Variants in ITGB5 observed in about 807,000 individuals in gnomAD.
The protein encoded by ITGB5 is integrin beta-5.
In ITGB5, 38 loss-of-function variants were observed where a neutral mutation model predicts 84.8. The ratio of observed to expected loss-of-function variants is 0.45; its 90% CI spans 0.35 to 0.59. The LOEUF (loss-of-function observed/expected upper bound fraction) is 0.59. ITGB5 is among the 20% of genes least tolerant of loss of function. The pLI is 0.01. For missense variants in ITGB5, 905 were observed against 1,034.5 expected, an observed-to-expected ratio of 0.87 and a Z score of 1.72; for synonymous variants, 393 against 414.4, an observed-to-expected ratio of 0.95 and a Z score of 0.63.
chr3:124,796,548 G>A lies in ITGB5; in HGVS notation c.1533C>T (p.Asn511=), dbSNP rs2291086. The A allele has an allele frequency of 0.02, 32,294 of 1,614,060 alleles. 1,438 individuals carry two copies. Among genetic ancestry groups the A allele is most frequent in the African/African-American group, 0.14 (10,571 of 75,040 alleles). ...GCTTGCCCTCTGCCTCCCGGCACAGGTTCTGGTACACGCTCTGGTTCTCCC... is the reference window on the plus strand; with the variant it reads ...GCTTGCCCTCTGCCTCCCGGCACAGATTCTGGTACACGCTCTGGTTCTCCC... ...QDGENQSVYQ[N]LCREAEGKPL... Residue 511 remains asparagine, a synonymous_variant, in exon 10 of 15, where the codon AAC becomes AAT. Coordinates refer to ENST00000296181, the MANE Select transcript of ITGB5 (RefSeq NM_002213.5).
chr3:124,801,144 G>T (rs1395728988), intron 9 of ITGB5, among the ~76,000 whole-genome samples: 3 of 152,180 alleles, frequency 2.0e-5, no homozygotes, highest in African/African-American at 7.2e-5. Context: ...GACGGGAGCG[G>T]GGAGGGGGTG....
intron 9 of ITGB5, among the ~76,000 whole-genome samples, chr3:124,800,170 C>T (rs760710573): frequency 1.3e-5 from 2 of 152,102 alleles, no homozygotes; most frequent in Non-Finnish European, 2.9e-5. Flanking sequence ...CAGCTGAAAC[C>T]CTGTACTTCT....
chr3:124,868,395 A>G (rs993681970), intron 2 of ITGB5, among the ~76,000 whole-genome samples: 9 of 151,480 alleles, frequency 5.9e-5, no homozygotes, highest in African/African-American at 2.0e-4. Context: ...TGACCCATAC[A>G]TCCTGGTCTC....
chr3:124,766,214 G>C lies in ITGB5; in HGVS notation c.2137+12C>G. The C allele has an allele frequency of 6.2e-7, 1 of 1,612,314 alleles. No homozygotes were observed. Among genetic ancestry groups the C allele is most frequent in the Non-Finnish European group, 8.5e-7 (1 of 1,179,344 alleles). On this transcript the variant is annotated intron_variant, in intron 13 of 14. Transcript: ENST00000296181. Reference sequence around the variant, plus strand: ...TGGCTGAGTGGGCCGAGCCCTTGCAGCCCTCACCTACCTGGCTCCCTGAGG... The same window carrying C: ...TGGCTGAGTGGGCCGAGCCCTTGCACCCCTCACCTACCTGGCTCCCTGAGG...
chr3:124,871,924 A>T (rs1934076398), intron 2 of ITGB5, among the ~76,000 whole-genome samples: 1 of 152,126 alleles, frequency 6.6e-6, no homozygotes, highest in African/African-American at 2.4e-5. Context: ...CAGGGAGGGG[A>T]GAAACACCGG....
At chr3:124,864,095 T>A (rs1288551658) in intron 2 of ITGB5, among the ~76,000 whole-genome samples, 1 of 115,050 alleles carries the variant, frequency 8.7e-6, no homozygotes, top group Non-Finnish European at 1.7e-5. Context: ...GACCTATATT[T>A]CTTTTTTTTT....
At chr3:124,803,638 C>T (rs1428207660) in intron 9 of ITGB5, among the ~76,000 whole-genome samples, 1 of 152,214 alleles carries the variant, frequency 6.6e-6, no homozygotes, top group Non-Finnish European at 1.5e-5. Flanking sequence ...GCAAGTCACG[C>T]TCATCCTCAA....
At chr3:124,867,472 C>T (rs543072809) in intron 2 of ITGB5, among the ~76,000 whole-genome samples, 1 of 152,340 alleles carries the variant, frequency 6.6e-6, no homozygotes, top group East Asian at 1.9e-4. Context: ...TCTTGCTTTC[C>T]CCAACCCTGC....
chr3:124,805,475 G>A lies in ITGB5; in HGVS notation c.1263+3547C>T, dbSNP rs535567100. On this transcript the variant is annotated intron_variant, in intron 9 of 14. Coordinates refer to ENST00000296181, the MANE Select transcript of ITGB5 (RefSeq NM_002213.5). ...CCATTACTTTTTTTTTTTAAGAGACGAGGTCTCACTCTGTTATCTATGCTA... is the reference window on the plus strand; with the variant it reads ...CCATTACTTTTTTTTTTTAAGAGACAAGGTCTCACTCTGTTATCTATGCTA... 1.6e-4 allele frequency among the ~76,000 whole-genome samples: 25 copies of A among 151,532 alleles called. 1 individual carries two copies. The East Asian group carries it at 4.3e-3, about 26-fold the overall frequency.
At chr3:124,889,437 C>T (rs1019939565), upstream of ITGB5, among the ~76,000 whole-genome samples, 1 of 152,204 alleles carries the variant, frequency 6.6e-6, no homozygotes, top group Non-Finnish European at 1.5e-5. Context: ...CTCCCTAAAA[C>T]GTATAAAAGC....
chr3:124,780,300 G>C (rs1244176749), intron 10 of ITGB5, among the ~76,000 whole-genome samples: 1 of 152,194 alleles, frequency 6.6e-6, no homozygotes, highest in Admixed American at 6.5e-5. Context: ...CAGAGGGCTA[G>C]CAGGACCGCA....
chr3:124,898,835 G>A (rs1935165139), intron 1 of ITGB5, among the ~76,000 whole-genome samples: 1 of 150,564 alleles, frequency 6.6e-6, no homozygotes, highest in Admixed American at 6.6e-5. Context: ...CAGTACTTTG[G>A]GAGGCCGAGG....
At chr3:124,821,656 G>A (rs146183003) in intron 5 of ITGB5, among the ~76,000 whole-genome samples, 182 bp from the exon 6 acceptor site, 218 of 152,314 alleles carry the variant, frequency 1.4e-3, no homozygotes, top group African/African-American at 4.9e-3. Flanking sequence ...CCGAAGAGAC[G>A]CAGCCTGGAC....
At chr3:124,876,367 A>C (rs1227727958) in intron 1 of ITGB5, among the ~76,000 whole-genome samples, 1 of 152,148 alleles carries the variant, frequency 6.6e-6, no homozygotes, top group African/African-American at 2.4e-5. Context: ...TTAAAAAAAA[A>C]ACAAACCAGT....
intron 10 of ITGB5, among the ~76,000 whole-genome samples, chr3:124,784,445 C>T (rs2064051234): frequency 6.6e-6 from 1 of 152,178 alleles, no homozygotes; most frequent in Admixed American, 6.5e-5. Flanking sequence ...TTCAAGCCTG[C>T]AATGAGCTGT....
At chr3:124,887,944 C>T (rs536547420), upstream of ITGB5, 5 of 238,538 alleles carry the variant, frequency 2.1e-5, no homozygotes, top group South Asian at 1.2e-4. Flanking sequence ...TTTGAGACAG[C>T]GTCTTGCTCT....
chr3:124,818,460 G>A (rs2064641542), intron 7 of ITGB5, among the ~76,000 whole-genome samples: 1 of 143,778 alleles, frequency 7.0e-6, no homozygotes, highest in South Asian at 2.3e-4. Context: ...CTGTGCAATT[G>A]AGCCCTCTAA....
At chr3:124,880,559 G>A (rs575252298) in intron 1 of ITGB5, among the ~76,000 whole-genome samples, 66 of 152,220 alleles carry the variant, frequency 4.3e-4, no homozygotes, top group African/African-American at 1.5e-3. Flanking sequence ...AGCTACAGTG[G>A]GCCATGATCA....
chr3:124,780,217 CAAAGCCACTGCTCCATTCACCCCCA>C (rs138551788), intron 10 of ITGB5, among the ~76,000 whole-genome samples: 8,114 of 152,114 alleles, frequency 0.053, 489 homozygotes, highest in African/African-American at 0.14. Context: ...GGCCCAGGAA[CAAAGCCACTGCTCCATTCACCCCCA>C]AACGCCACTC....
Sources: allele counts gnomAD v4.1 joint callset (sites outside exome capture counted in the v4.1 genomes callset), GRCh38; gene constraint gnomAD v4.1.1; transcripts MANE v1.5; gene names NCBI Gene and HGNC (gene_info 2026-07-23, HGNC 2026-07-21).